The following PCDH11X variants were observed in gnomAD, a reference collection of about 807,000 sequenced individuals.
PCDH11X encodes the protein protocadherin 11 X-linked.
Under a neutral mutation model 53.3 loss-of-function variants are expected in PCDH11X, and 18 were observed. The ratio of observed to expected loss-of-function variants is 0.34; its 90% CI spans 0.23 to 0.50. The LOEUF (loss-of-function observed/expected upper bound fraction) is 0.50. Among genes scored for constraint, PCDH11X ranks in the 20% least tolerant of loss-of-function variants. PCDH11X has a pLI of 0.98. For synonymous variants in PCDH11X, 279 were observed against 393.3 expected (o/e 0.71, Z 3.44); for missense variants, 570 against 1,032.4 (o/e 0.55, Z 6.14).
intron 10 of PCDH11X, among the ~76,000 whole-genome samples, chrX:92,563,055 T>TTTG (rs2075159028): frequency 8.9e-5 from 1 of 11,184 alleles, no homozygotes; most frequent in Non-Finnish European, 1.4e-4. Context: ...CCGTTTTTTT[T>TTTG]TTTTTTTTTT....
At chrX:92,075,633 CA>C (rs763539436) in intron 6 of PCDH11X, among the ~76,000 whole-genome samples, 10 of 111,702 alleles carry the variant, frequency 9.0e-5, no homozygotes, top group African/African-American at 3.2e-4. Flanking sequence ...TCAGTTTGTT[CA>C]AGGGTATTTT....
At position 92,613,914 on chromosome X, in the gene PCDH11X, C is replaced by A. The variant is rs149621924; in HGVS notation, c.3368-4350C>A. 4.3e-3 allele frequency among the ~76,000 whole-genome samples: 468 copies of A among 109,677 alleles called. 1 individual carries two copies. Among genetic ancestry groups the A allele is most frequent in the African/African-American group, 0.014 (435 of 30,225 alleles). ...TGGTCTTTAAGCTCTGAAATTATTT[C>A]TTCTGCTTGGTACAGTCTATTGTTA... On this transcript the variant is annotated intron_variant, in intron 10 of 10. Transcript: ENST00000682573.
chrX:91,927,658 G>C (rs907475942), intron 6 of PCDH11X, among the ~76,000 whole-genome samples: 4 of 111,737 alleles, frequency 3.6e-5, no homozygotes, highest in African/African-American at 9.7e-5. Context: ...AGGAATCTTA[G>C]GAAACCAGAG....
chrX:91,932,691 TGTGTGTGTGC>T (rs1247995998), intron 6 of PCDH11X, among the ~76,000 whole-genome samples: 3 of 105,585 alleles, frequency 2.8e-5, no homozygotes, highest in South Asian at 4.4e-4. Context: ...TGTGTGTGTG[TGTGTGTGTGC>T]GCGCGCGCGC....
intron 1 of PCDH11X, among the ~76,000 whole-genome samples, chrX:91,782,699 A>G (rs1428319069): frequency 2.7e-5 from 3 of 110,164 alleles, no homozygotes; most frequent in Non-Finnish European, 5.7e-5. Flanking sequence ...CACTACTGCC[A>G]TAGGGGAGAG....
chrX:91,904,991 A>T (rs1204149927), intron 6 of PCDH11X, among the ~76,000 whole-genome samples: 1 of 110,228 alleles, frequency 9.1e-6, no homozygotes, highest in Non-Finnish European at 1.9e-5. Context: ...AATATTAAAA[A>T]GAAAAATATA....
At chrX:91,906,814 TTTAAA>T (rs765747631) in intron 6 of PCDH11X, among the ~76,000 whole-genome samples, 4 of 111,509 alleles carry the variant, frequency 3.6e-5, no homozygotes, top group East Asian at 5.7e-4. Flanking sequence ...GTATGAACTC[TTTAAA>T]TTAACAAAGA....
intron 6 of PCDH11X, among the ~76,000 whole-genome samples, chrX:91,968,151 T>C (rs1430624797): frequency 8.9e-6 from 1 of 112,068 alleles, no homozygotes; most frequent in Non-Finnish European, 1.9e-5. Context: ...TAGAAAATCT[T>C]CACACTTATT....
intron 6 of PCDH11X, among the ~76,000 whole-genome samples, chrX:91,976,870 A>G (rs2062053683): frequency 8.9e-6 from 1 of 112,297 alleles, no homozygotes; most frequent in African/African-American, 3.2e-5. Flanking sequence ...GATTATATTT[A>G]TCCATATTAC....
intron 10 of PCDH11X, among the ~76,000 whole-genome samples, chrX:92,590,186 A>C (rs1924881170): frequency 9.2e-6 from 1 of 109,261 alleles, no homozygotes; most frequent in Non-Finnish European, 1.9e-5. Flanking sequence ...CTTTCCCCAA[A>C]CTGCCTTTGA....
chrX:92,421,715 A>G (rs765083999), intron 9 of PCDH11X, among the ~76,000 whole-genome samples: 2 of 111,941 alleles, frequency 1.8e-5, no homozygotes, highest in Admixed American at 1.9e-4. Context: ...GAACTAATTT[A>G]TATTCCGACT....
At chrX:91,901,588 T>C (rs1369964139) in intron 6 of PCDH11X, among the ~76,000 whole-genome samples, 3 of 111,089 alleles carry the variant, frequency 2.7e-5, no homozygotes, top group East Asian at 5.6e-4. Context: ...AGGGGGATGT[T>C]TATAATAAAA....
At chrX:92,084,573 C>T (rs1169755059) in intron 6 of PCDH11X, among the ~76,000 whole-genome samples, 1 of 107,419 alleles carries the variant, frequency 9.3e-6, no homozygotes, top group Non-Finnish European at 1.9e-5. Context: ...CTAATATTAA[C>T]TAACACTTCC....
intron 10 of PCDH11X, among the ~76,000 whole-genome samples, chrX:92,489,941 A>G (rs1302985439): frequency 2.0e-5 from 2 of 102,505 alleles, no homozygotes; most frequent in Non-Finnish European, 4.0e-5. Flanking sequence ...ATATAATAAT[A>G]ATAACACTAA....
intron 6 of PCDH11X, among the ~76,000 whole-genome samples, chrX:92,077,262 G>A (rs780017250): frequency 0.023 from 2,473 of 108,290 alleles, 68 homozygotes; most frequent in African/African-American, 0.079. Context: ...CATGATACCC[G>A]GAAAGTAGTA....
intron 10 of PCDH11X, among the ~76,000 whole-genome samples, chrX:92,483,904 A>G (rs923127629): frequency 3.7e-5 from 4 of 109,064 alleles, no homozygotes; most frequent in Admixed American, 3.1e-4. Context: ...TGACTTTGTC[A>G]TACATATATT....
intron 6 of PCDH11X, among the ~76,000 whole-genome samples, chrX:92,070,443 G>T (rs1244156347): frequency 1.1e-4 from 12 of 111,686 alleles, no homozygotes; most frequent in Non-Finnish European, 2.3e-4. Context: ...ATACTATTCT[G>T]GAATAAAAAT....
chrX:91,822,768 G>T (rs1405345485), intron 4 of PCDH11X, among the ~76,000 whole-genome samples: 1 of 110,844 alleles, frequency 9.0e-6, no homozygotes, highest in East Asian at 2.8e-4. Context: ...ATGATACTAG[G>T]GTGTCAATTT....
At chrX:92,101,113 T>TG (rs1393257465) in intron 6 of PCDH11X, among the ~76,000 whole-genome samples, 1 of 111,905 alleles carries the variant, frequency 8.9e-6, no homozygotes, top group African/African-American at 3.3e-5. Flanking sequence ...AGTAGCGGTT[T>TG]GGGGATAGCA....
Sources: gnomAD v4.1 joint callset for allele counts (sites outside exome capture counted in the v4.1 genomes callset) on GRCh38, gnomAD v4.1.1 for gene constraint, MANE v1.5 for transcripts, NCBI Gene and HGNC (gene_info 2026-07-23, HGNC 2026-07-21) for gene names.